Variants in PCSK5 observed in about 807,000 individuals in gnomAD.
PCSK5 encodes proprotein convertase subtilisin/kexin type 5.
In PCSK5, 129 loss-of-function variants were observed where a neutral mutation model predicts 233.2. The ratio of observed to expected loss-of-function variants is 0.55; its 90% confidence interval spans 0.48 to 0.64. The LOEUF (loss-of-function observed/expected upper bound fraction) is 0.64, where lower values mean the gene tolerates loss of function less well. PCSK5 is among the 30% of genes least tolerant of loss of function. The pLI, the probability that PCSK5 is intolerant of heterozygous loss-of-function variation, is 0.00. For synonymous variants in PCSK5, 825 were observed against 879.2 expected, an observed-to-expected ratio of 0.94 and a Z score of 1.09; for missense variants, 2,076 against 2,430.1, an observed-to-expected ratio of 0.85 and a Z score of 3.06.
intron 24 of PCSK5, among the ~76,000 whole-genome samples, chr9:76,279,435 G>C (rs7866037): frequency 0.12 from 17,556 of 148,986 alleles, 1,291 homozygotes; most frequent in African/African-American, 0.23. Flanking sequence ...CCCAGTAATG[G>C]GATGGCTGGG....
intron 1 of PCSK5, among the ~76,000 whole-genome samples, chr9:75,895,843 A>ACCTC (rs1256307918): frequency 6.6e-6 from 1 of 152,136 alleles, no homozygotes; most frequent in African/African-American, 2.4e-5. Context: ...TGTCCTGAAC[A>ACCTC]CCTCCCACCC....
At chr9:76,242,410 C>T (rs1403815212) in intron 24 of PCSK5, among the ~76,000 whole-genome samples, 3 of 152,174 alleles carry the variant, frequency 2.0e-5, no homozygotes, top group Non-Finnish European at 4.4e-5. Context: ...GCCCCATTAT[C>T]TTCCACTATA....
chr9:75,991,423 C>T (rs1826763919), intron 3 of PCSK5, among the ~76,000 whole-genome samples: 1 of 152,140 alleles, frequency 6.6e-6, no homozygotes, highest in South Asian at 2.1e-4. Context: ...ACAGCCTCCC[C>T]AGTTATCAGA....
chr9:76,021,369 T>TGG (rs5898444), intron 3 of PCSK5, among the ~76,000 whole-genome samples: 2 of 151,488 alleles, frequency 1.3e-5, no homozygotes, highest in African/African-American at 2.4e-5. Flanking sequence ...GGGTGTGGGT[T>TGG]GGGGGGTGTA....
chr9:76,090,822 C>A (rs958359309), intron 7 of PCSK5, among the ~76,000 whole-genome samples: 1 of 152,086 alleles, frequency 6.6e-6, no homozygotes, highest in Non-Finnish European at 1.5e-5. Flanking sequence ...ATACAACTCA[C>A]CATAATGTAG....
chr9:76,064,703 C>T (rs963648880), intron 5 of PCSK5, among the ~76,000 whole-genome samples: 9 of 149,254 alleles, frequency 6.0e-5, no homozygotes, highest in Admixed American at 4.6e-4. Flanking sequence ...ACGGGGCGGC[C>T]GGGCAGAGAC....
intron 24 of PCSK5, among the ~76,000 whole-genome samples, chr9:76,268,598 C>A (rs1397155560): frequency 6.6e-6 from 1 of 152,220 alleles, no homozygotes; most frequent in Non-Finnish European, 1.5e-5. Flanking sequence ...AATCCCAACA[C>A]TTTGGGAGGC....
At chr9:75,985,181 C>T (rs546880126) in intron 2 of PCSK5, among the ~76,000 whole-genome samples, 3 of 152,254 alleles carry the variant, frequency 2.0e-5, no homozygotes, top group African/African-American at 4.8e-5. Flanking sequence ...TGAGACATCC[C>T]GCTAAAACTG....
chr9:75,903,622 T>C (rs1826149837), intron 1 of PCSK5, among the ~76,000 whole-genome samples: 2 of 143,536 alleles, frequency 1.4e-5, no homozygotes, highest in African/African-American at 2.5e-5. Context: ...TATATATATA[T>C]ATAAAATAAG....
intron 1 of PCSK5, among the ~76,000 whole-genome samples, chr9:75,914,415 C>A (rs1425752585): frequency 6.6e-6 from 1 of 152,002 alleles, no homozygotes; most frequent in African/African-American, 2.4e-5. Context: ...ATGCTACTTC[C>A]AACAGTCCAT....
chr9:75,915,130 A>G (rs2131241299), intron 1 of PCSK5, among the ~76,000 whole-genome samples: 1 of 152,342 alleles, frequency 6.6e-6, no homozygotes, highest in African/African-American at 2.4e-5. Flanking sequence ...GGAGGCATGC[A>G]TAGTGATGAC....
At chr9:76,093,565 T>TTATATA (rs763686948) in intron 7 of PCSK5, among the ~76,000 whole-genome samples, 2 of 146,574 alleles carry the variant, frequency 1.4e-5, no homozygotes, top group Admixed American at 6.9e-5. Flanking sequence ...TGTCATAATT[T>TTATATA]TATATATATA....
At chr9:76,319,260 C>T (rs891138126) in intron 30 of PCSK5, among the ~76,000 whole-genome samples, 5 of 152,058 alleles carry the variant, frequency 3.3e-5, no homozygotes, top group African/African-American at 1.2e-4. Flanking sequence ...GTCAAGAGAT[C>T]AAGACCATTG....
At chr9:76,195,929 G>A (rs1824678340) in intron 20 of PCSK5, 1 of 152,046 alleles carries the variant, frequency 6.6e-6, no homozygotes, top group Non-Finnish European at 1.5e-5. Context: ...TCTCTGAAAG[G>A]GTAAGGTCAT....
In PCSK5 at chr9:76,341,230, C is replaced by CAA. The variant is rs11446663; in HGVS notation, c.4966+2791_4966+2792dup. Reference sequence around the variant, plus strand: ...ACAGAGTGAGACCATGCCTCAAAAACAAAAAAAAAGATTTCAAATTGTTTC... The same window carrying CAA: ...ACAGAGTGAGACCATGCCTCAAAAACAAAAAAAAAAAGATTTCAAATTGTTTC... On this transcript the variant is annotated intron_variant, in intron 35 of 37. Transcript: ENST00000674117. Among the ~76,000 whole-genome samples the CAA allele has an allele frequency of 2.6e-3, 395 of 150,318 alleles. 4 individuals are homozygous for CAA. The highest frequency in any genetic ancestry group is 8.2e-3 in the African/African-American group (338 of 41,012).
intron 33 of PCSK5, among the ~76,000 whole-genome samples, chr9:76,329,570 C>G (rs1018555179): frequency 3.9e-5 from 6 of 152,038 alleles, no homozygotes; most frequent in African/African-American, 1.4e-4. Context: ...CACGGTGGCT[C>G]ACACCTGTAA....
At position 76,162,246 on chromosome 9, in the gene PCSK5, G is replaced by A. The variant is rs143069009; in HGVS notation, c.1619+3075G>A. Among the ~76,000 whole-genome samples, 370 of 152,230 alleles carry A rather than the reference G, an allele frequency of 2.4e-3. 2 individuals are homozygous for A. Among genetic ancestry groups the A allele is most frequent in the African/African-American group, 8.2e-3 (339 of 41,540 alleles). On this transcript the variant is annotated intron_variant, in intron 12 of 37. Transcript: ENST00000674117. ...TCCTGCTGTGCTTGACACTGGTAGCGTCCCTCCTACCGAGGCAGCTAAAGA... is the reference window on the plus strand; with the variant it reads ...TCCTGCTGTGCTTGACACTGGTAGCATCCCTCCTACCGAGGCAGCTAAAGA...
chr9:76,328,020 T>A lies in PCSK5; in HGVS notation c.4351T>A (p.Ser1451Thr), dbSNP rs1324872090. 1 of 1,611,470 alleles carries A rather than the reference T, an allele frequency of 6.2e-7. No individual in the cohort carries two copies. ...ETKECRDCHK[S>T]CLTCSSSGTC... ...CTCCACGCCCACAGATTGCCACAAG[T>A]CCTGCTTGACCTGCTCATCATCTGG... The change falls in exon 33 of 38, where the codon TCC (serine) becomes ACC (threonine). Residue 1451 changes from serine to threonine, a missense_variant. Around this residue, in one of 6 missense-constraint regions of PCSK5, gnomAD observed 1,510 missense variants for 1,538.1 expected, o/e 0.98. Coordinates refer to ENST00000674117, the MANE Select transcript of PCSK5 (RefSeq NM_001372043.1).
Position 76,071,844 on chromosome 9 carries a change from T to C in PCSK5, c.840T>C (p.Thr280=), listed in dbSNP as rs1298799290. The C allele has an allele frequency of 6.2e-7, 1 of 1,614,110 alleles. No homozygotes were observed. Among genetic ancestry groups the C allele is most frequent in the South Asian group, 1.1e-5 (1 of 91,072 alleles). The change falls in exon 7 of 38, where the codon ACT becomes ACC. Residue 280 remains threonine, a synonymous_variant. Transcript: ENST00000674117. ...GGGGCCCGGATGATGATGGCAAGAC[T>C]GTGGACGGACCAGCCCCCCTCACCC... ...ASWGPDDDGK[T]VDGPAPLTRQ...
Sources: gnomAD v4.1 joint callset for allele counts (sites outside exome capture counted in the v4.1 genomes callset) on GRCh38, gnomAD v4.1.1 for gene constraint, gnomAD v4.1.1 regional missense constraint, MANE v1.5 for transcripts, NCBI Gene and HGNC (gene_info 2026-07-23, HGNC 2026-07-21) for gene names.